SMARCA2: variants seen among roughly 807,000 people sequenced by gnomAD.
SMARCA2 encodes SWI/SNF related BAF chromatin remodeling complex subunit ATPase 2, also known as SWI/SNF-related matrix-associated actin-dependent regulator of chromatin subfamily A member 2.
A neutral mutation model predicts 199.8 loss-of-function variants in SMARCA2; 61 were observed. That is an observed-to-expected ratio of 0.31 (90% CI 0.25 to 0.38). SMARCA2 has a LOEUF of 0.38. Ranked by LOEUF, SMARCA2 falls within the 10% of genes least tolerant of loss-of-function variation. The probability of loss-of-function intolerance (pLI) is 1.00; values close to 1 mark genes in which losing one functional copy is unlikely to be tolerated. For synonymous variants in SMARCA2, 935 were observed against 732.0 expected, an observed-to-expected ratio of 1.28 and a Z score of -4.48; for missense variants, 1,344 against 2,012.2, an observed-to-expected ratio of 0.67 and a Z score of 6.35.
chr9:2,163,367 A>G (rs1006066349), intron 28 of SMARCA2, among the ~76,000 whole-genome samples: 1 of 152,232 alleles, frequency 6.6e-6, no homozygotes, highest in Non-Finnish European at 1.5e-5. Flanking sequence ...CCAACGGTTC[A>G]TTAATGAAGG....
At chr9:2,144,950 G>C (rs772386450) in intron 27 of SMARCA2, among the ~76,000 whole-genome samples, 2 of 152,254 alleles carry the variant, frequency 1.3e-5, no homozygotes, top group South Asian at 4.1e-4. Flanking sequence ...TGAAAAAAAA[G>C]CCAAAAGAAA....
chr9:2,151,094 G>A lies in SMARCA2; in HGVS notation c.3982-10592G>A, dbSNP rs893813545. Among the ~76,000 whole-genome samples, 22 of 151,394 alleles carry A rather than the reference G, an allele frequency of 1.5e-4. 1 individual carries two copies. The highest frequency in any genetic ancestry group is 7.4e-5 in the Non-Finnish European group (5 of 67,676). ...TCACTGCACATAAAACACAGACTTT[G>A]GGGCTAACTTCACAAATCACTATGT... On this transcript the variant is annotated intron_variant, in intron 27 of 33. Coordinates refer to ENST00000349721, the MANE Select transcript of SMARCA2 (RefSeq NM_003070.5).
chr9:2,034,634 A>G (rs1190186929), intron 3 of SMARCA2, among the ~76,000 whole-genome samples: 1 of 152,234 alleles, frequency 6.6e-6, no homozygotes, highest in Non-Finnish European at 1.5e-5. Context: ...TCTATCCATG[A>G]TCAGCTATCC....
intron 27 of SMARCA2, among the ~76,000 whole-genome samples, chr9:2,137,054 C>T (rs1036727111): frequency 2.0e-5 from 3 of 152,178 alleles, no homozygotes; most frequent in African/African-American, 7.2e-5. Context: ...GCCTTCTTAA[C>T]ACCGCCAGTG....
chr9:2,192,623 G>A, intron 33 of SMARCA2, 81 bp from the exon 34 acceptor site: 2 of 943,608 alleles, frequency 2.1e-6, no homozygotes, highest in Non-Finnish European at 3.5e-6. Flanking sequence ...TTTCCTACTG[G>A]CCTCTTGATG....
At chr9:2,015,643 C>A (rs1255937565) in intron 1 of SMARCA2, among the ~76,000 whole-genome samples, 2 of 152,188 alleles carry the variant, frequency 1.3e-5, no homozygotes, top group African/African-American at 4.8e-5. Flanking sequence ...AACGACAGCT[C>A]CCAGGCGGCG....
chr9:2,160,100 A>G, intron 27 of SMARCA2: 1 of 687,392 alleles, frequency 1.5e-6, no homozygotes, highest in South Asian at 2.3e-5. Context: ...TCAGCCTCCA[A>G]GATATGCGGG....
rs978615596 is a variant in SMARCA2, at chr9:2,185,115, C to T, written c.4462-981C>T. Among the ~76,000 whole-genome samples, 3 of 152,074 alleles carry T rather than the reference C, an allele frequency of 2.0e-5. No individual in the cohort carries two copies. The South Asian group carries it at 6.3e-4, about 32-fold the overall frequency. ...TGTTAAGTATATTCACTTTGATGGG[C>T]AACAGATCTTCAGAACTTTTTAATC... is the stretch of plus-strand genomic sequence containing the variant. On this transcript the variant is annotated intron_variant, in intron 31 of 33. Transcript: ENST00000349721.
At chr9:2,136,967 T>G (rs1824222540) in intron 27 of SMARCA2, among the ~76,000 whole-genome samples, 1 of 152,190 alleles carries the variant, frequency 6.6e-6, no homozygotes, top group African/African-American at 2.4e-5. Context: ...GGCCACTGCC[T>G]CTTTGGCCAA....
intron 5 of SMARCA2, among the ~76,000 whole-genome samples, chr9:2,050,190 A>C (rs961964759): frequency 1.3e-5 from 2 of 152,178 alleles, no homozygotes; most frequent in Non-Finnish European, 2.9e-5. Context: ...ACTTTGCTGC[A>C]GCTCTGTACA....
chr9:2,067,219 A>G (rs1167923818), intron 9 of SMARCA2, among the ~76,000 whole-genome samples: 1 of 152,250 alleles, frequency 6.6e-6, no homozygotes, highest in East Asian at 1.9e-4. Flanking sequence ...TTGCAAATGT[A>G]TTGGCATCTA....
intron 19 of SMARCA2, among the ~76,000 whole-genome samples, chr9:2,091,550 G>C (rs571810094): frequency 1.3e-5 from 2 of 149,264 alleles, no homozygotes; most frequent in Non-Finnish European, 3.0e-5. Flanking sequence ...GAATAGAGCT[G>C]CTATAAACTT....
rs1328126540 is a variant in SMARCA2, at chr9:2,182,147, A to G, written c.4366A>G (p.Ile1456Val). ...TCTCCAAAATTTCCATCAGGAAAGG[A>G]TTCGTAATCATAAGTACCGGAGCCT... ...PVDFKKIKER[I>V]RNHKYRSLGD... The change falls in exon 31 of 34, where the codon ATT becomes GTT. Residue 1456 changes from isoleucine to valine, a missense_variant. Physicochemically the swap from Ile to Val is conservative, Grantham distance 29 (BLOSUM62 3). This residue lies in a region of SMARCA2 where 151 missense variants were observed against 154.0 expected (regional missense o/e 0.98). Transcript: ENST00000349721. 2 of 1,602,380 alleles carry G rather than the reference A, an allele frequency of 1.2e-6. No homozygotes were observed. The highest frequency in any genetic ancestry group is 3.3e-5 in the Admixed American group (2 of 59,774).
chr9:2,146,274 T>C (rs1824739188), intron 27 of SMARCA2, among the ~76,000 whole-genome samples: 1 of 152,060 alleles, frequency 6.6e-6, no homozygotes. Flanking sequence ...CCTAATCACC[T>C]CCCAAAGGCC....
chr9:2,057,719 G>T (rs886548862), intron 7 of SMARCA2, among the ~76,000 whole-genome samples: 1 of 152,214 alleles, frequency 6.6e-6, no homozygotes, highest in East Asian at 1.9e-4. Flanking sequence ...CCTGTAAATT[G>T]TATTTGTTTT....
intron 25 of SMARCA2, among the ~76,000 whole-genome samples, chr9:2,116,320 C>T (rs1823215265): frequency 6.6e-6 from 1 of 152,196 alleles, no homozygotes; most frequent in Admixed American, 6.5e-5. Flanking sequence ...TTTATTGAAC[C>T]ATCAGTGCTG....
intron 32 of SMARCA2, 40 bp downstream of exon 32, chr9:2,186,268 C>T: frequency 6.3e-7 from 1 of 1,586,052 alleles, no homozygotes; most frequent in Non-Finnish European, 8.6e-7. Flanking sequence ...CTTTGCCCCT[C>T]CTCACCTGCA....
intron 28 of SMARCA2, chr9:2,162,995 G>GC (rs1271083309): frequency 6.6e-6 from 1 of 152,222 alleles, no homozygotes; most frequent in Non-Finnish European, 1.5e-5. Context: ...GTTGCTCTGT[G>GC]CACCTGTAAG....
At position 2,159,576 on chromosome 9, in the gene SMARCA2, C is replaced by A. The variant is rs936931644; in HGVS notation, c.3982-2110C>A. Reference sequence around the variant, plus strand: ...TTAAAATGCGAGCAAGACTCAGAAACCATCTGAGCTAAAATCTCTAATTCT... The same window carrying A: ...TTAAAATGCGAGCAAGACTCAGAAAACATCTGAGCTAAAATCTCTAATTCT... On this transcript the variant is annotated intron_variant, in intron 27 of 33. Transcript: ENST00000349721. The A allele has an allele frequency of 1.8e-5, 7 of 399,804 alleles. No homozygotes were observed. The East Asian group carries it at 2.8e-4, about 16-fold the overall frequency. 24.8% of individuals were successfully genotyped at this position (399,804 alleles called of 1,614,324 possible). A position where few individuals can be genotyped will look rare whatever the true frequency, so the allele number is the denominator to read the frequency against.
Sources: allele counts gnomAD v4.1 joint callset (sites outside exome capture counted in the v4.1 genomes callset), GRCh38; gene constraint gnomAD v4.1.1; regional missense constraint gnomAD v4.1.1; transcripts MANE v1.5; gene names NCBI Gene and HGNC (gene_info 2026-07-23, HGNC 2026-07-21).